ARL15: variants seen among roughly 807,000 people sequenced by gnomAD.
ARL15 encodes the protein ADP-ribosylation factor-like protein 15.
In ARL15, 19 loss-of-function variants were observed where a neutral mutation model predicts 25.2. That is an observed-to-expected ratio of 0.75 (90% CI 0.53 to 1.10). The LOEUF is 1.10. ARL15 is among the 50% of genes least tolerant of loss of function. ARL15 has a pLI of 0.00. For synonymous variants in ARL15, 94 were observed against 86.8 expected, an observed-to-expected ratio of 1.08 and a Z score of -0.46; for missense variants, 220 against 246.0, an observed-to-expected ratio of 0.89 and a Z score of 0.71.
intron 3 of ARL15, among the ~76,000 whole-genome samples, chr5:54,138,516 C>G (rs1753672770): frequency 6.6e-6 from 1 of 152,052 alleles, no homozygotes; most frequent in Non-Finnish European, 1.5e-5. Context: ...ACACAAAAAT[C>G]AACCCAAGAT....
chr5:54,123,389 G>A (rs1753150028), intron 3 of ARL15, among the ~76,000 whole-genome samples: 1 of 152,178 alleles, frequency 6.6e-6, no homozygotes, highest in African/African-American at 2.4e-5. Context: ...GATTACAGGC[G>A]TGAGCCAACG....
intron 4 of ARL15, among the ~76,000 whole-genome samples, chr5:53,914,429 C>A (rs1044109784): frequency 6.6e-6 from 1 of 152,220 alleles, no homozygotes; most frequent in African/African-American, 2.4e-5. Context: ...TACTTATCCA[C>A]CTGATGCATT....
intron 2 of ARL15, among the ~76,000 whole-genome samples, chr5:54,167,696 C>G (rs367883228): frequency 6.6e-6 from 1 of 152,282 alleles, no homozygotes; most frequent in South Asian, 2.1e-4. Flanking sequence ...TACTAGCATG[C>G]TCAAGAGACC....
At chr5:54,227,417 A>G (rs549545796) in intron 1 of ARL15, among the ~76,000 whole-genome samples, 2 of 152,330 alleles carry the variant, frequency 1.3e-5, no homozygotes, top group African/African-American at 4.8e-5. Flanking sequence ...TAATCCTCAC[A>G]GGCTCTCTGG....
intron 2 of ARL15, among the ~76,000 whole-genome samples, chr5:54,168,344 A>G (rs1480322534): frequency 2.0e-5 from 3 of 151,512 alleles, no homozygotes; most frequent in East Asian, 1.9e-4. Flanking sequence ...CAAAATCAGC[A>G]TGCCCCAAAC....
chr5:54,137,013 G>C (rs1345490463), intron 3 of ARL15, among the ~76,000 whole-genome samples: 1 of 148,610 alleles, frequency 6.7e-6, no homozygotes, highest in Non-Finnish European at 1.5e-5. Context: ...ATGTTTTGTT[G>C]TTTTAAAATT....
chr5:54,199,163 CTT>C (rs1396218102), intron 1 of ARL15, among the ~76,000 whole-genome samples: 1 of 152,162 alleles, frequency 6.6e-6, no homozygotes, highest in Non-Finnish European at 1.5e-5. Context: ...GGATTAAAGA[CTT>C]AAACTTTAGA....
At chr5:54,172,034 G>A in intron 1 of ARL15, 106 bp from the exon 2 acceptor site, 1 of 1,322,152 alleles carries the variant, frequency 7.6e-7, no homozygotes, top group South Asian at 1.5e-5. Context: ...ATTGAATAAA[G>A]TATTACCTAT....
At chr5:54,306,893 G>A (rs1192781332) in intron 1 of ARL15, among the ~76,000 whole-genome samples, 1 of 152,124 alleles carries the variant, frequency 6.6e-6, no homozygotes, top group Non-Finnish European at 1.5e-5. Context: ...GAACTGAAAG[G>A]AATCTAGAAG....
chr5:54,221,498 T>C (rs1756371847), intron 1 of ARL15, among the ~76,000 whole-genome samples: 1 of 152,214 alleles, frequency 6.6e-6, no homozygotes, highest in South Asian at 2.1e-4. Context: ...TTTCCTTTCT[T>C]TCCTTTATTT....
chr5:54,297,424 A>T lies in ARL15; in HGVS notation c.48+13008T>A, dbSNP rs73757044. ...GTTGCAGGCAGTTGTTGGAGCCTGG[A>T]GTTTGTTTTGTTGTGGGCAGCCTGC... On this transcript the variant is annotated intron_variant, in intron 1 of 4. Transcript: ENST00000504924. Among the ~76,000 whole-genome samples, 698 of 152,234 alleles carry T rather than the reference A, an allele frequency of 4.6e-3. 5 individuals are homozygous for T. The highest frequency in any genetic ancestry group is 0.016 in the African/African-American group (675 of 41,528).
At chr5:54,062,214 G>C (rs934931081) in intron 4 of ARL15, among the ~76,000 whole-genome samples, 4 of 152,186 alleles carry the variant, frequency 2.6e-5, no homozygotes, top group African/African-American at 9.7e-5. Context: ...CTCATAGGTG[G>C]AAGGGGTTTG....
At chr5:54,101,778 G>T (rs1220400255) in intron 4 of ARL15, among the ~76,000 whole-genome samples, 1 of 151,946 alleles carries the variant, frequency 6.6e-6, no homozygotes, top group Non-Finnish European at 1.5e-5. Flanking sequence ...GACTTAATTT[G>T]CTTATTAACA....
chr5:54,123,092 C>T (rs1753136916), intron 3 of ARL15, among the ~76,000 whole-genome samples: 2 of 151,458 alleles, frequency 1.3e-5, no homozygotes, highest in Admixed American at 1.3e-4. Flanking sequence ...TTACTCACAC[C>T]CTCTCTTCTT....
intron 4 of ARL15, among the ~76,000 whole-genome samples, chr5:53,971,758 G>T (rs1003662741): frequency 1.3e-5 from 2 of 152,156 alleles, no homozygotes; most frequent in African/African-American, 4.8e-5. Flanking sequence ...GATGCTGAGA[G>T]GCCAGAAAGG....
intron 1 of ARL15, chr5:54,282,192 C>T: frequency 2.1e-6 from 2 of 940,030 alleles, no homozygotes; most frequent in Non-Finnish European, 2.5e-6. Flanking sequence ...TAATTGCCAT[C>T]ACTCCACATG....
At chr5:54,171,736 T>A in intron 2 of ARL15, 48 bp downstream of exon 2, 2 of 1,566,144 alleles carry the variant, frequency 1.3e-6, no homozygotes, top group Non-Finnish European at 1.7e-6. Flanking sequence ...AACTAGGACA[T>A]CTTGGGATGA....
At chr5:54,270,319 A>G (rs1757750645) in intron 1 of ARL15, among the ~76,000 whole-genome samples, 1 of 152,174 alleles carries the variant, frequency 6.6e-6, no homozygotes. Flanking sequence ...TTCCAAGGCC[A>G]ATGCACCAAG....
At chr5:53,999,354 C>T (rs960162450) in intron 4 of ARL15, among the ~76,000 whole-genome samples, 67 of 151,588 alleles carry the variant, frequency 4.4e-4, no homozygotes, top group Non-Finnish European at 2.1e-4. Flanking sequence ...TTTGGGAGGC[C>T]GAGGCAGGTG....
Sources: allele counts gnomAD v4.1 joint callset (sites outside exome capture counted in the v4.1 genomes callset), GRCh38; gene constraint gnomAD v4.1.1; transcripts MANE v1.5; gene names NCBI Gene and HGNC (gene_info 2026-07-23, HGNC 2026-07-21).